The following MED27 variants were observed in gnomAD, a reference collection of about 807,000 sequenced individuals.
MED27 encodes the protein mediator of RNA polymerase II transcription subunit 27.
Under a neutral mutation model 38.2 loss-of-function variants are expected in MED27, and 30 were observed. The observed-to-expected ratio is 0.79, with a 90% CI of 0.59 to 1.07. The LOEUF (loss-of-function observed/expected upper bound fraction) is 1.07. MED27 is among the 50% of genes least tolerant of loss of function. MED27 has a pLI of 0.00. For synonymous variants in MED27, 122 were observed against 153.5 expected, an observed-to-expected ratio of 0.79 and a Z score of 1.52; for missense variants, 289 against 397.5, an observed-to-expected ratio of 0.73 and a Z score of 2.32.
rs568892305 is a variant in MED27, at chr9:131,977,071, T to G, written c.479+37266A>C. ...ACTTGAACAGAATTTTTTATGGCCCTGCCAAGCCAGCCAGTCACCAGTCCA... is the reference window on the plus strand; with the variant it reads ...ACTTGAACAGAATTTTTTATGGCCCGGCCAAGCCAGCCAGTCACCAGTCCA... On this transcript the variant is annotated intron_variant, in intron 3 of 7. Transcript: ENST00000292035. Among the ~76,000 whole-genome samples the G allele has an allele frequency of 2.6e-4, 40 of 152,302 alleles. 3 individuals are homozygous for G. The highest frequency in any genetic ancestry group is 6.8e-3 in the Middle Eastern group (2 of 294).
rs750377457 is a variant in MED27 at position 132,074,575 on chromosome 9, C to A, written c.348+2867G>T. On this transcript the variant is annotated intron_variant, in intron 2 of 7. Transcript: ENST00000292035. ...AAAATGATGAATGATGAAAGCTTTA[C>A]CAATTAAAAAGCTCTTTTCATTTGT... 3.6e-4 allele frequency among the ~76,000 whole-genome samples: 55 copies of A among 152,112 alleles called. 1 individual carries two copies. Among genetic ancestry groups the A allele is most frequent in the Non-Finnish European group, 6.0e-4 (41 of 68,024 alleles).
intron 4 of MED27, among the ~76,000 whole-genome samples, chr9:131,919,620 A>G (rs1189411396): frequency 6.6e-6 from 1 of 152,070 alleles, no homozygotes; most frequent in Non-Finnish European, 1.5e-5. Flanking sequence ...TGGGGTCCCA[A>G]GTAGGGGTGA....
At chr9:132,062,795 C>A (rs1467999704) in intron 2 of MED27, among the ~76,000 whole-genome samples, 3 of 151,888 alleles carry the variant, frequency 2.0e-5, no homozygotes, top group African/African-American at 7.3e-5. Flanking sequence ...CAGATATTTT[C>A]ATTTTTTTGT....
At chr9:131,908,075 T>A (rs1338198697) in intron 4 of MED27, among the ~76,000 whole-genome samples, 8 of 151,300 alleles carry the variant, frequency 5.3e-5, no homozygotes, top group Non-Finnish European at 1.0e-4. Flanking sequence ...CCACCCGGTC[T>A]GGGAAGTGAG....
intron 2 of MED27, chr9:132,073,210 G>C (rs1019561729): frequency 1.0e-5 from 5 of 495,816 alleles, no homozygotes; most frequent in Non-Finnish European, 1.3e-5. Context: ...TCCATCATAA[G>C]GTCTCCAAAT....
At chr9:132,006,369 C>A (rs1051656824) in intron 3 of MED27, among the ~76,000 whole-genome samples, 1 of 152,172 alleles carries the variant, frequency 6.6e-6, no homozygotes, top group Admixed American at 6.5e-5. Context: ...CAGAGGCAAA[C>A]TAAATTCAAC....
chr9:131,960,553 A>G (rs1209265475), intron 3 of MED27, among the ~76,000 whole-genome samples: 1 of 152,212 alleles, frequency 6.6e-6, no homozygotes, highest in Non-Finnish European at 1.5e-5. Context: ...ACTGTGAATG[A>G]GTCAACAATG....
chr9:132,034,340 A>C (rs975130364), intron 2 of MED27, among the ~76,000 whole-genome samples: 1 of 152,230 alleles, frequency 6.6e-6, no homozygotes, highest in African/African-American at 2.4e-5. Flanking sequence ...AATTCATCAA[A>C]GTATGTCAGA....
intron 2 of MED27, among the ~76,000 whole-genome samples, chr9:132,027,641 G>A (rs1185120576): frequency 1.3e-5 from 2 of 152,176 alleles, no homozygotes; most frequent in Non-Finnish European, 2.9e-5. Context: ...TCTCATCGAT[G>A]TAGGCGCCAA....
intron 2 of MED27, among the ~76,000 whole-genome samples, chr9:132,016,286 T>C (rs1348155022): frequency 2.6e-5 from 4 of 152,228 alleles, no homozygotes; most frequent in Admixed American, 1.3e-4. Flanking sequence ...CAGAAGTATC[T>C]GTGTTTGGAG....
At chr9:131,958,904 C>T (rs1020185948) in intron 3 of MED27, among the ~76,000 whole-genome samples, 1 of 152,220 alleles carries the variant, frequency 6.6e-6, no homozygotes, top group East Asian at 1.9e-4. Context: ...AGCAGAATTT[C>T]AGCAGGACAA....
At chr9:131,985,790 A>T (rs1027843007) in intron 3 of MED27, among the ~76,000 whole-genome samples, 1 of 152,104 alleles carries the variant, frequency 6.6e-6, no homozygotes, top group South Asian at 2.1e-4. Flanking sequence ...ATCCAGAAGA[A>T]GGCATTGTTA....
At chr9:132,028,994 G>A (rs1244863396) in intron 2 of MED27, among the ~76,000 whole-genome samples, 2 of 152,240 alleles carry the variant, frequency 1.3e-5, no homozygotes, top group African/African-American at 4.8e-5. Flanking sequence ...GAAGCCATCA[G>A]AGATGCCACG....
At chr9:132,071,410 G>GCA (rs909988479) in intron 2 of MED27, among the ~76,000 whole-genome samples, 7 of 151,780 alleles carry the variant, frequency 4.6e-5, no homozygotes, top group South Asian at 2.1e-4. Flanking sequence ...CCATGAACGA[G>GCA]CACACACACA....
At chr9:132,010,456 T>C (rs1264260394) in intron 3 of MED27, among the ~76,000 whole-genome samples, 4 of 152,230 alleles carry the variant, frequency 2.6e-5, no homozygotes, top group Admixed American at 2.6e-4. Context: ...AGTTCAACCA[T>C]TGTGGAAGAC....
intron 3 of MED27, among the ~76,000 whole-genome samples, chr9:131,998,558 G>C (rs1460249561): frequency 1.3e-5 from 2 of 152,320 alleles, no homozygotes; most frequent in East Asian, 3.9e-4. Flanking sequence ...AACGATGTCA[G>C]AGGTTCCTTA....
chr9:131,928,230 C>G (rs1163579747), intron 4 of MED27, among the ~76,000 whole-genome samples: 1 of 152,172 alleles, frequency 6.6e-6, no homozygotes, highest in Non-Finnish European at 1.5e-5. Context: ...CAACACCTCC[C>G]TGCTCCTCCA....
At chr9:132,025,258 G>A (rs576482675) in intron 2 of MED27, among the ~76,000 whole-genome samples, 3 of 151,226 alleles carry the variant, frequency 2.0e-5, no homozygotes, top group African/African-American at 4.9e-5. Context: ...TCCTCTCACC[G>A]CAATCTCTGC....
intron 3 of MED27, among the ~76,000 whole-genome samples, chr9:132,001,761 C>T (rs541754106): frequency 6.6e-6 from 1 of 152,212 alleles, no homozygotes; most frequent in Non-Finnish European, 1.5e-5. Context: ...ACATTCCCCC[C>T]ACAATGCTCA....
Sources: allele counts gnomAD v4.1 joint callset (sites outside exome capture counted in the v4.1 genomes callset), GRCh38; gene constraint gnomAD v4.1.1; transcripts MANE v1.5; gene names NCBI Gene and HGNC (gene_info 2026-07-23, HGNC 2026-07-21).